The following EYS variants were observed in gnomAD, a reference collection of about 807,000 sequenced individuals.
EYS encodes EGF-like photoreceptor maintenance factor.
Under a neutral mutation model 282.1 loss-of-function variants are expected in EYS, and 250 were observed. The ratio of observed to expected loss-of-function variants is 0.89; its 90% CI spans 0.80 to 0.98. EYS has a LOEUF of 0.98. Among genes scored for constraint, EYS ranks in the 50% least tolerant of loss-of-function variants. The pLI is 0.00. For synonymous variants in EYS, 1,355 were observed against 1,282.9 expected (o/e 1.06, Z -1.20); for missense variants, 4,016 against 3,709.0 (o/e 1.08, Z -2.15).
intron 31 of EYS, among the ~76,000 whole-genome samples, chr6:64,090,516 T>A (rs1223944181): frequency 6.6e-6 from 1 of 152,174 alleles, no homozygotes; most frequent in Non-Finnish European, 1.5e-5. Flanking sequence ...CTTATTCAAC[T>A]GCATAGTCCA....
At chr6:64,939,804 G>C (rs1400967318) in intron 15 of EYS, among the ~76,000 whole-genome samples, 1 of 151,894 alleles carries the variant, frequency 6.6e-6, no homozygotes, top group African/African-American at 2.4e-5. Flanking sequence ...TTTAGAGCTA[G>C]GTGTAAGTGT....
chr6:64,679,304 T>C (rs912155214), intron 22 of EYS, among the ~76,000 whole-genome samples: 1 of 152,190 alleles, frequency 6.6e-6, no homozygotes, highest in Non-Finnish European at 1.5e-5. Context: ...GCATAGCTTT[T>C]CTCGGGCACT....
intron 26 of EYS, among the ~76,000 whole-genome samples, chr6:64,471,985 A>AT (rs1776135844): frequency 6.6e-6 from 1 of 152,002 alleles, no homozygotes; most frequent in Non-Finnish European, 1.5e-5. Context: ...AACACAAAAA[A>AT]AATTTGAGGT....
intron 2 of EYS, among the ~76,000 whole-genome samples, chr6:65,573,926 G>A (rs1377971165): frequency 6.6e-6 from 1 of 152,118 alleles, no homozygotes; most frequent in East Asian, 1.9e-4. Flanking sequence ...TAGCTCAGCT[G>A]CCTAGAGAGT....
intron 35 of EYS, among the ~76,000 whole-genome samples, chr6:63,939,070 G>GAATTCATTC (rs1654565076): frequency 6.6e-6 from 1 of 151,816 alleles, no homozygotes; most frequent in African/African-American, 2.4e-5. Flanking sequence ...AATTGGAACA[G>GAATTCATTC]AGGCTTTCTG....
At chr6:63,961,841 A>G (rs934735934) in intron 35 of EYS, among the ~76,000 whole-genome samples, 2 of 152,174 alleles carry the variant, frequency 1.3e-5, no homozygotes, top group African/African-American at 4.8e-5. Context: ...TTCAGACTAT[A>G]GACCAATCTT....
Position 64,626,251 on chromosome 6 carries a change from GA to G in EYS, c.3444-7del, listed in dbSNP as rs1163024711. 2.3e-5 allele frequency: 35 copies of G among 1,508,186 alleles called. No homozygotes were observed. The highest frequency in any genetic ancestry group is 5.1e-5 in the Admixed American group (2 of 39,216). The allele number at this position is 1,508,186 out of a possible 1,614,324, so 93.4% of individuals were successfully genotyped here. On this transcript the variant is annotated splice_region_variant and splice_polypyrimidine_tract_variant and intron_variant, in intron 22 of 42. Transcript: ENST00000503581. ...CAGAAAATCCAGGAAGACATCTAAG[GA>G]AAAAAAATGAAAACGATATTTGTAT... is the stretch of plus-strand genomic sequence containing the variant.
intron 22 of EYS, among the ~76,000 whole-genome samples, chr6:64,751,435 T>C (rs1006954971): frequency 1.3e-5 from 2 of 152,130 alleles, no homozygotes; most frequent in African/African-American, 4.8e-5. Flanking sequence ...GTCTGGGTGT[T>C]GAATGGCTGC....
At chr6:64,808,382 A>C (rs1326193244) in intron 22 of EYS, among the ~76,000 whole-genome samples, 1 of 152,120 alleles carries the variant, frequency 6.6e-6, no homozygotes, top group Non-Finnish European at 1.5e-5. Flanking sequence ...AACAGCAATA[A>C]ACATAATGGG....
rs561328718 is a variant in EYS at position 64,753,223 on chromosome 6, A to G, written c.3443+60155T>C. On this transcript the variant is annotated intron_variant, in intron 22 of 42. Transcript: ENST00000503581. Reference sequence around the variant, plus strand: ...AAAGCGACCAGGTAAAAACACTATGACAGGAACAGACTCACATATCAATAT... The same window carrying G: ...AAAGCGACCAGGTAAAAACACTATGGCAGGAACAGACTCACATATCAATAT... Among the ~76,000 whole-genome samples, 16 of 152,240 alleles carry G rather than the reference A, an allele frequency of 1.1e-4. No homozygotes were observed. In the East Asian group the frequency reaches 1.7e-3, roughly 17 times the overall value.
chr6:64,387,972 A>G (rs1005722358), intron 29 of EYS, among the ~76,000 whole-genome samples: 2 of 152,096 alleles, frequency 1.3e-5, no homozygotes, highest in African/African-American at 2.4e-5. Flanking sequence ...ATAGCATTTT[A>G]TATTTCCAAT....
At chr6:64,362,546 G>C (rs1227781890) in intron 29 of EYS, among the ~76,000 whole-genome samples, 1 of 151,676 alleles carries the variant, frequency 6.6e-6, no homozygotes, top group Non-Finnish European at 1.5e-5. Context: ...TAAATATGCA[G>C]AAGTATTTTC....
At chr6:65,330,301 G>T in intron 11 of EYS, 1 of 958,866 alleles carries the variant, frequency 1.0e-6, no homozygotes, top group Non-Finnish European at 1.2e-6. Flanking sequence ...ATTTCATTCT[G>T]TTATGATATT....
intron 18 of EYS, among the ~76,000 whole-genome samples, chr6:64,890,785 T>C (rs1767266775): frequency 6.6e-6 from 1 of 152,130 alleles, no homozygotes; most frequent in Admixed American, 6.6e-5. Context: ...TGGAAGTTTA[T>C]TTTTCTAAAG....
intron 29 of EYS, among the ~76,000 whole-genome samples, chr6:64,333,189 A>G (rs956793396): frequency 2.0e-5 from 3 of 152,146 alleles, no homozygotes; most frequent in African/African-American, 7.2e-5. Context: ...TTCTTGCCTT[A>G]TGACTTCTGG....
intron 30 of EYS, among the ~76,000 whole-genome samples, chr6:64,262,527 T>G (rs1025511862): frequency 2.2e-4 from 33 of 152,010 alleles, no homozygotes; most frequent in African/African-American, 7.7e-4. Context: ...AGTATGCTTT[T>G]TAAGACTCTA....
At chr6:64,797,511 T>C (rs11968894) in intron 22 of EYS, among the ~76,000 whole-genome samples, 11,946 of 152,080 alleles carry the variant, frequency 0.079, 582 homozygotes, top group African/African-American at 0.14. Context: ...TATTGTGTTT[T>C]AAAATAAATG....
At chr6:65,654,603 C>G (rs1282451300) in intron 1 of EYS, among the ~76,000 whole-genome samples, 1 of 151,772 alleles carries the variant, frequency 6.6e-6, no homozygotes. Flanking sequence ...TTCTGAGCTA[C>G]ATAGTACTGG....
chr6:64,985,210 C>A (rs150779137), intron 14 of EYS, among the ~76,000 whole-genome samples: 1 of 151,452 alleles, frequency 6.6e-6, no homozygotes, highest in Non-Finnish European at 1.5e-5. Context: ...CACAAGCCTG[C>A]GAAAGGTCTT....
Sources: gnomAD v4.1 joint callset for allele counts (sites outside exome capture counted in the v4.1 genomes callset) on GRCh38, gnomAD v4.1.1 for gene constraint, MANE v1.5 for transcripts, NCBI Gene and HGNC (gene_info 2026-07-23, HGNC 2026-07-21) for gene names.